Variants in GOLGA7 observed in about 807,000 individuals in gnomAD.
GOLGA7 encodes the protein golgin subfamily A member 7.
In GOLGA7, 10 loss-of-function variants were observed where a neutral mutation model predicts 21.1. The ratio of observed to expected loss-of-function variants is 0.47; its 90% CI spans 0.29 to 0.80. The LOEUF is 0.80. Ranked by LOEUF, GOLGA7 falls within the 30% of genes least tolerant of loss-of-function variation. The probability of loss-of-function intolerance (pLI) is 0.08; values close to 1 mark genes in which losing one functional copy is unlikely to be tolerated. For synonymous variants in GOLGA7, 64 were observed against 62.6 expected (o/e 1.02, Z -0.10); for missense variants, 114 against 166.8 (o/e 0.68, Z 1.74).
chr8:41,502,725 G>A (rs1806179289), intron 2 of GOLGA7: 1 of 152,168 alleles, frequency 6.6e-6, no homozygotes, highest in Admixed American at 6.5e-5. Flanking sequence ...TGAAGGTCTG[G>A]AAGGCTTTCT....
At chr8:41,508,714 TG>T (rs1181519215) in intron 4 of GOLGA7, among the ~76,000 whole-genome samples, 1 of 152,250 alleles carries the variant, frequency 6.6e-6, no homozygotes, top group Non-Finnish European at 1.5e-5. Flanking sequence ...AATTTTGAAA[TG>T]GGAAAGATTT....
intron 2 of GOLGA7, among the ~76,000 whole-genome samples, chr8:41,503,917 C>T (rs1404821426): frequency 2.7e-5 from 4 of 148,442 alleles, no homozygotes; most frequent in Non-Finnish European, 5.9e-5. Context: ...GGGAATTGAA[C>T]AATGAGATCA....
intron 4 of GOLGA7, among the ~76,000 whole-genome samples, chr8:41,508,107 G>A (rs557519715): frequency 1.6e-4 from 24 of 152,290 alleles, no homozygotes; most frequent in Admixed American, 1.4e-3. Context: ...CACAGTTAAC[G>A]AGTATTGGGA....
At chr8:41,506,811 T>G (rs1341604496) in intron 3 of GOLGA7, among the ~76,000 whole-genome samples, 5 of 152,204 alleles carry the variant, frequency 3.3e-5, no homozygotes, top group African/African-American at 1.2e-4. Context: ...TTTTCAGAAT[T>G]TATTTGTTTT....
chr8:41,510,405 A>T lies in GOLGA7; in HGVS notation c.*837A>T, dbSNP rs1806394154. On this transcript the variant is annotated 3_prime_UTR_variant, in exon 5 of 5. Transcript: ENST00000357743. ...CCTGGATATGGAATAAGCAGGTATA[A>T]AAAATATTTTAATTATAGTTTTGTT... 1 of 152,650 alleles carries T rather than the reference A, an allele frequency of 6.6e-6. No homozygotes were observed. The allele number at this position is 152,650 out of a possible 1,614,324, so 9.5% of individuals were successfully genotyped here.
At position 41,497,666 on chromosome 8, in the gene GOLGA7, T is replaced by C. The variant is rs2150440875; in HGVS notation, c.264+5T>C. On this transcript the variant is annotated splice_donor_5th_base_variant and intron_variant, in intron 2 of 4. Transcript: ENST00000357743. ...ATGGAAACTCATTATGAGAAGGTAATGCTACATTTGTTTTCACAAAAATCT... is the reference window on the plus strand; with the variant it reads ...ATGGAAACTCATTATGAGAAGGTAACGCTACATTTGTTTTCACAAAAATCT... The C allele has an allele frequency of 1.4e-6, 2 of 1,477,140 alleles. No homozygotes were observed. Among genetic ancestry groups the C allele is most frequent in the Non-Finnish European group, 1.9e-6 (2 of 1,070,322 alleles). 91.5% of individuals were successfully genotyped at this position (1,477,140 alleles called of 1,614,324 possible).
At chr8:41,493,273 C>G (rs1214486748) in intron 1 of GOLGA7, among the ~76,000 whole-genome samples, 1 of 152,138 alleles carries the variant, frequency 6.6e-6, no homozygotes, top group Non-Finnish European at 1.5e-5. Flanking sequence ...CTACTACTTA[C>G]CCTAGAAATT....
chr8:41,490,595 C>T lies in GOLGA7; in HGVS notation c.-260C>T, dbSNP rs898216948. On this transcript the variant is annotated 5_prime_UTR_variant, in exon 1 of 5. Coordinates refer to ENST00000357743, the MANE Select transcript of GOLGA7 (RefSeq NM_001002296.2). ...AGTGACGGCGAAGGCGGTGCGACAG[C>T]AGCTGGAGGGCAGAGGAGGCGGGTT... 8.4e-6 allele frequency: 4 copies of T among 476,520 alleles called. No homozygotes were observed. The highest frequency in any genetic ancestry group is 2.8e-5 in the South Asian group (1 of 35,252). 29.5% of individuals were successfully genotyped at this position (476,520 alleles called of 1,614,324 possible). A position where few individuals can be genotyped will look rare whatever the true frequency, so the allele number is the denominator to read the frequency against.
intron 1 of GOLGA7, 97 bp from the exon 2 acceptor site, chr8:41,497,412 C>A: frequency 2.8e-6 from 2 of 703,842 alleles, no homozygotes; most frequent in Non-Finnish European, 2.3e-6. Context: ...AAATTGTCAA[C>A]TAAGAATGGT....
At chr8:41,494,544 G>A (rs1417585098) in intron 1 of GOLGA7, among the ~76,000 whole-genome samples, 2 of 152,228 alleles carry the variant, frequency 1.3e-5, no homozygotes, top group Middle Eastern at 3.4e-3. Context: ...TTAGGTGAAC[G>A]TAACAGCTTA....
chr8:41,502,007 A>ACAAAG (rs1471113378), intron 2 of GOLGA7, among the ~76,000 whole-genome samples: 1 of 152,212 alleles, frequency 6.6e-6, no homozygotes, highest in African/African-American at 2.4e-5. Flanking sequence ...AGCAAATGTT[A>ACAAAG]CAAAGCAAAT....
Position 41,507,051 on chromosome 8 carries a change from CTGT to C in GOLGA7, c.367-6_367-4del. On this transcript the variant is annotated splice_region_variant and splice_polypyrimidine_tract_variant and intron_variant, in intron 3 of 4. Coordinates refer to ENST00000357743, the MANE Select transcript of GOLGA7 (RefSeq NM_001002296.2). ...GTAGTGTGTTTTCTTAACAGCCATG[CTGT>C]TTAGATTGAAATTACCATTTATGAA... is the stretch of plus-strand genomic sequence containing the variant. 3 of 1,285,294 alleles carry C rather than the reference CTGT, an allele frequency of 2.3e-6. No individual in the cohort carries two copies. Among genetic ancestry groups the C allele is most frequent in the Non-Finnish European group, 3.4e-6 (3 of 879,780 alleles). The allele number at this position is 1,285,294 out of a possible 1,614,324, so 79.6% of individuals were successfully genotyped here. A position where few individuals can be genotyped will look rare whatever the true frequency, so the allele number is the denominator to read the frequency against.
chr8:41,508,905 G>A (rs1806353998), intron 4 of GOLGA7, among the ~76,000 whole-genome samples: 1 of 152,188 alleles, frequency 6.6e-6, no homozygotes, highest in Admixed American at 6.5e-5. Context: ...CAGTCTGCAA[G>A]GTGTCTGCAA....
At chr8:41,506,584 T>A (rs1319612844) in intron 3 of GOLGA7, among the ~76,000 whole-genome samples, 7 of 152,140 alleles carry the variant, frequency 4.6e-5, no homozygotes, top group African/African-American at 9.7e-5. Flanking sequence ...TAAATTTTTT[T>A]AAAAACCTAG....
At chr8:41,497,220 G>A (rs1168239318) in intron 1 of GOLGA7, among the ~76,000 whole-genome samples, 2 of 151,630 alleles carry the variant, frequency 1.3e-5, no homozygotes, top group African/African-American at 2.4e-5. Flanking sequence ...GATAGTAGGC[G>A]CTCAGTAAGT....
intron 2 of GOLGA7, among the ~76,000 whole-genome samples, chr8:41,505,533 A>G (rs554042601): frequency 1.3e-5 from 2 of 152,342 alleles, no homozygotes; most frequent in Non-Finnish European, 2.9e-5. Context: ...AAGATGTCAC[A>G]TTAACAGCAC....
intron 1 of GOLGA7, among the ~76,000 whole-genome samples, chr8:41,494,934 G>A (rs1805971531): frequency 2.0e-5 from 3 of 152,090 alleles, no homozygotes. Flanking sequence ...AAAAGATTAT[G>A]TTCTTGAGGC....
chr8:41,493,874 A>G (rs539032751), intron 1 of GOLGA7, among the ~76,000 whole-genome samples: 1 of 152,322 alleles, frequency 6.6e-6, no homozygotes, highest in African/African-American at 2.4e-5. Flanking sequence ...CCAGGAACCT[A>G]AGGGAGAACA....
intron 1 of GOLGA7, among the ~76,000 whole-genome samples, chr8:41,492,736 A>G (rs1009052456): frequency 2.0e-5 from 3 of 152,254 alleles, no homozygotes; most frequent in Admixed American, 2.0e-4. Context: ...TACGGAAACT[A>G]TGACATACAA....
Sources: allele counts gnomAD v4.1 joint callset (sites outside exome capture counted in the v4.1 genomes callset), GRCh38; gene constraint gnomAD v4.1.1; transcripts MANE v1.5; gene names NCBI Gene and HGNC (gene_info 2026-07-23, HGNC 2026-07-21).